Variants in DCAF17 observed in about 807,000 individuals in gnomAD.
DCAF17 encodes DDB1- and CUL4-associated factor 17.
A neutral mutation model predicts 66.0 loss-of-function variants in DCAF17; 48 were observed. That is an observed-to-expected ratio of 0.73 (90% confidence interval 0.58 to 0.92). The LOEUF is 0.92. Ranked by LOEUF, DCAF17 falls within the 40% of genes least tolerant of loss-of-function variation. The pLI is 0.00. For synonymous variants in DCAF17, 206 were observed against 214.6 expected (o/e 0.96, Z 0.35); for missense variants, 562 against 622.8 (o/e 0.90, Z 1.04).
Position 171,481,722 on chromosome 2 carries a change from G to A in DCAF17, c.*608G>A, listed in dbSNP as rs1696754637. The A allele has an allele frequency of 4.4e-6, 2 of 453,510 alleles. No individual in the cohort carries two copies. The highest frequency in any genetic ancestry group is 8.8e-6 in the Non-Finnish European group (2 of 226,652). 28.1% of individuals were successfully genotyped at this position (453,510 alleles called of 1,614,324 possible). On this transcript the variant is annotated 3_prime_UTR_variant, in exon 14 of 14. Transcript: ENST00000375255. ...GTTCCCAAATTATCTTTTCTTCCTT[G>A]GTTTTGTTCTCTTGGCTTGATGTTC...
chr2:171,481,774 G>A lies in DCAF17; in HGVS notation c.*660G>A. The A allele has an allele frequency of 2.2e-6, 1 of 453,408 alleles. No homozygotes were observed. Among genetic ancestry groups the A allele is most frequent in the East Asian group, 6.9e-5 (1 of 14,396 alleles). 28.1% of individuals were successfully genotyped at this position (453,408 alleles called of 1,614,324 possible). A position where few individuals can be genotyped will look rare whatever the true frequency, so the allele number is the denominator to read the frequency against. On this transcript the variant is annotated 3_prime_UTR_variant, in exon 14 of 14. Coordinates refer to ENST00000375255, the MANE Select transcript of DCAF17 (RefSeq NM_025000.4). ...CATTGAATATTTGTGTTTCTATATA[G>A]GCTAATGTAAAAGATTCCAAGCAAA...
chr2:171,457,803 T>C (rs1347000899), intron 6 of DCAF17, among the ~76,000 whole-genome samples, 168 bp from the exon 7 acceptor site: 1 of 152,230 alleles, frequency 6.6e-6, no homozygotes, highest in Non-Finnish European at 1.5e-5. Context: ...TGTTCACTCC[T>C]AATAACACCC....
intron 8 of DCAF17, 77 bp from the exon 9 acceptor site, chr2:171,468,811 A>G (rs1024942292): frequency 3.2e-6 from 5 of 1,570,542 alleles, no homozygotes; most frequent in East Asian, 2.2e-5. Flanking sequence ...ATGCAAAGAA[A>G]GGTTGAATTC....
intron 9 of DCAF17, among the ~76,000 whole-genome samples, chr2:171,471,997 AGAGT>A (rs1559287788): frequency 1.3e-5 from 2 of 152,136 alleles, no homozygotes; most frequent in African/African-American, 4.8e-5. Flanking sequence ...CCTGTGCAAC[AGAGT>A]GAGACCCTGT....
At chr2:171,444,773 A>G (rs1694519476) in intron 3 of DCAF17, among the ~76,000 whole-genome samples, 1 of 152,208 alleles carries the variant, frequency 6.6e-6, no homozygotes, top group African/African-American at 2.4e-5. Context: ...TGTGACCAAA[A>G]ATAATTTTTA....
chr2:171,473,578 C>T (rs1364248162), intron 9 of DCAF17, among the ~76,000 whole-genome samples: 1 of 152,058 alleles, frequency 6.6e-6, no homozygotes, highest in East Asian at 1.9e-4. Context: ...AAACGCAGTT[C>T]CTGACACAAA....
rs1201442734 is a variant in DCAF17 at position 171,483,034 on chromosome 2, C to A, written c.*1920C>A. 2.2e-6 allele frequency: 1 copy of A among 453,920 alleles called. No homozygotes were observed. Among genetic ancestry groups the A allele is most frequent in the Non-Finnish European group, 4.4e-6 (1 of 226,802 alleles). The allele number at this position is 453,920 out of a possible 1,614,324, so 28.1% of individuals were successfully genotyped here. ...GCTACTGCTTAGTTTCAGCCAGTTG[C>A]AACAGTATGTGGGAATGTAGGCTGC... On this transcript the variant is annotated 3_prime_UTR_variant, in exon 14 of 14. Transcript: ENST00000375255.
chr2:171,443,489 A>G (rs776380751), intron 2 of DCAF17, 34 bp from the exon 3 acceptor site: 2 of 1,561,802 alleles, frequency 1.3e-6, no homozygotes, highest in Admixed American at 3.3e-5. Context: ...TTGGTTATCA[A>G]GAATAATAAT....
chr2:171,443,628 T>C lies in DCAF17; in HGVS notation c.321+15T>C. ...AATGCCCAGTGGTAAGATTTGTTTTTAGAGCGTTTGTTTCTAAAGCATTTT... is the reference window on the plus strand; with the variant it reads ...AATGCCCAGTGGTAAGATTTGTTTTCAGAGCGTTTGTTTCTAAAGCATTTT... On this transcript the variant is annotated intron_variant, in intron 3 of 13. Transcript: ENST00000375255. 1.9e-6 allele frequency: 3 copies of C among 1,606,016 alleles called. No individual in the cohort carries two copies. Among genetic ancestry groups the C allele is most frequent in the Non-Finnish European group, 8.5e-7 (1 of 1,173,132 alleles).
intron 2 of DCAF17, among the ~76,000 whole-genome samples, chr2:171,438,713 C>A (rs111539500): frequency 2.0e-5 from 3 of 152,166 alleles, no homozygotes; most frequent in African/African-American, 7.2e-5. Context: ...TTTTGCCATT[C>A]CTTTACTTTT....
At position 171,484,130 on chromosome 2, in the gene DCAF17, G is replaced by A. The variant is rs1302964850; in HGVS notation, c.*3016G>A. The A allele has an allele frequency of 2.2e-6, 1 of 452,320 alleles. No homozygotes were observed. The highest frequency in any genetic ancestry group is 2.4e-5 in the Admixed American group (1 of 42,184). 28.0% of individuals were successfully genotyped at this position (452,320 alleles called of 1,614,324 possible). A position where few individuals can be genotyped will look rare whatever the true frequency, so the allele number is the denominator to read the frequency against. ...TAAAAGGTACTTTCCCTTTGTTTGT[G>A]GTGATAATCAGTATTAGTAGTTTTC... is the stretch of plus-strand genomic sequence containing the variant. On this transcript the variant is annotated 3_prime_UTR_variant, in exon 14 of 14. Transcript: ENST00000375255.
chr2:171,472,368 A>G (rs1039239871), intron 9 of DCAF17, among the ~76,000 whole-genome samples: 13 of 152,104 alleles, frequency 8.5e-5, no homozygotes, highest in Non-Finnish European at 1.5e-4. Context: ...TAGTAGAAAC[A>G]GGGTTTCATC....
intron 2 of DCAF17, among the ~76,000 whole-genome samples, chr2:171,438,058 T>G (rs769909783): frequency 2.0e-5 from 3 of 152,260 alleles, no homozygotes; most frequent in Non-Finnish European, 2.9e-5. Flanking sequence ...ATACGTTGTA[T>G]GTGCATTTTC....
At position 171,480,582 on chromosome 2, in the gene DCAF17, G is replaced by A. The variant is rs1021294559; in HGVS notation, c.1422+389G>A. Among the ~76,000 whole-genome samples the A allele has an allele frequency of 3.3e-5, 5 of 152,104 alleles. No individual in the cohort carries two copies. In the East Asian group the frequency reaches 5.8e-4, roughly 18 times the overall value. On this transcript the variant is annotated intron_variant, in intron 13 of 13. Transcript: ENST00000375255. Reference sequence around the variant, plus strand: ...TTCCCAGGTACTCTTGTATACATTTGTCTGATATTTCAACTATTATAGAAT... The same window carrying A: ...TTCCCAGGTACTCTTGTATACATTTATCTGATATTTCAACTATTATAGAAT...
intron 2 of DCAF17, 30 bp from the exon 3 acceptor site, chr2:171,443,490 GAAT>G (rs748647626): frequency 6.4e-7 from 1 of 1,563,130 alleles, no homozygotes; most frequent in East Asian, 2.3e-5. Context: ...TGGTTATCAA[GAAT>G]AATAATCATT....
Position 171,434,614 on chromosome 2 carries a change from C to G in DCAF17, c.37C>G (p.Leu13Val). Residue 13 changes from leucine (L) to valine (V), a missense_variant, in exon 1 of 14, where the codon CTG becomes GTG. Transcript: ENST00000375255. ...PTRKPNVCSR[L>V]SRRALGCFSR... is the part of the protein sequence containing the mutation. ...CCGGAAGCCCAACGTGTGCAGCCGG[C>G]TGAGTCGCCGGGCGCTGGGCTGCTT... is the stretch of plus-strand genomic sequence containing the variant. 6.5e-7 allele frequency: 1 copy of G among 1,530,042 alleles called. No individual in the cohort carries two copies. Among genetic ancestry groups the G allele is most frequent in the African/African-American group, 1.4e-5 (1 of 71,490 alleles). The allele number at this position is 1,530,042 out of a possible 1,614,324, so 94.8% of individuals were successfully genotyped here.
chr2:171,481,457 C>CT lies in DCAF17; in HGVS notation c.*345dup. ...TGATGGGGTGGGTCATTGATGAGTT[C>CT]TTAAAGGATGGTATGGAATTTTGTT... On this transcript the variant is annotated 3_prime_UTR_variant, in exon 14 of 14. Transcript: ENST00000375255. 1 of 462,872 alleles carries CT rather than the reference C, an allele frequency of 2.2e-6. No individual in the cohort carries two copies. Among genetic ancestry groups the CT allele is most frequent in the Non-Finnish European group, 4.3e-6 (1 of 232,992 alleles). 28.7% of individuals were successfully genotyped at this position (462,872 alleles called of 1,614,324 possible). A position where few individuals can be genotyped will look rare whatever the true frequency, so the allele number is the denominator to read the frequency against.
At chr2:171,452,485 T>C (rs1222893710) in intron 5 of DCAF17, among the ~76,000 whole-genome samples, 1 of 152,190 alleles carries the variant, frequency 6.6e-6, no homozygotes, top group Non-Finnish European at 1.5e-5. Flanking sequence ...AGAGACAGCA[T>C]GTCTGATGCC....
intron 2 of DCAF17, 98 bp downstream of exon 2, chr2:171,435,284 T>C: frequency 1.1e-6 from 1 of 920,626 alleles, no homozygotes; most frequent in Non-Finnish European, 1.8e-6. Flanking sequence ...CCTAGTGAAA[T>C]AGAATGAAAA....
Sources: gnomAD v4.1 joint callset for allele counts (sites outside exome capture counted in the v4.1 genomes callset) on GRCh38, gnomAD v4.1.1 for gene constraint, MANE v1.5 for transcripts, NCBI Gene and HGNC (gene_info 2026-07-23, HGNC 2026-07-21) for gene names.